The following TRPC4AP variants were observed in gnomAD, a reference collection of about 807,000 sequenced individuals.
The protein encoded by TRPC4AP is transient receptor potential cation channel subfamily C member 4 associated protein.
In TRPC4AP, 45 loss-of-function variants were observed where a neutral mutation model predicts 99.0. The observed-to-expected ratio is 0.45, with a 90% CI of 0.36 to 0.58. The LOEUF (loss-of-function observed/expected upper bound fraction) is 0.58, where lower values mean the gene tolerates loss of function less well. Among genes scored for constraint, TRPC4AP ranks in the 20% least tolerant of loss-of-function variants. TRPC4AP has a pLI of 0.00. For missense variants in TRPC4AP, 879 were observed against 985.3 expected (o/e 0.89, Z 1.44); for synonymous variants, 408 against 385.8 (o/e 1.06, Z -0.67).
chr20:35,033,210 A>G (rs1343831752), intron 8 of TRPC4AP, among the ~76,000 whole-genome samples: 1 of 152,146 alleles, frequency 6.6e-6, no homozygotes, highest in Non-Finnish European at 1.5e-5. Flanking sequence ...CATTTTAAGT[A>G]ATATACTGTA....
chr20:35,037,558 A>G (rs2083349117), intron 7 of TRPC4AP, among the ~76,000 whole-genome samples: 1 of 152,204 alleles, frequency 6.6e-6, no homozygotes, highest in Non-Finnish European at 1.5e-5. Flanking sequence ...TGGTATCTAC[A>G]TGATGAGTAT....
intron 3 of TRPC4AP, among the ~76,000 whole-genome samples, chr20:35,066,573 C>A (rs1195749833): frequency 1.3e-5 from 2 of 152,116 alleles, no homozygotes; most frequent in East Asian, 3.9e-4. Context: ...AAAGTCAGAT[C>A]CTAACCCCTC....
At chr20:35,088,454 C>A (rs950788737) in intron 1 of TRPC4AP, among the ~76,000 whole-genome samples, 10 of 152,166 alleles carry the variant, frequency 6.6e-5, no homozygotes, top group Admixed American at 6.6e-4. Context: ...TATCAAATGG[C>A]TGGCAAGGTT....
intron 10 of TRPC4AP, among the ~76,000 whole-genome samples, chr20:35,013,869 C>A (rs749421174): frequency 6.6e-6 from 1 of 152,198 alleles, no homozygotes; most frequent in Non-Finnish European, 1.5e-5. Flanking sequence ...GCCCAGGGAG[C>A]CTGGCTCTGC....
chr20:35,004,981 G>T (rs115352129), intron 16 of TRPC4AP, among the ~76,000 whole-genome samples: 235 of 152,304 alleles, frequency 1.5e-3, no homozygotes, highest in African/African-American at 5.5e-3. Context: ...TTCCACACCA[G>T]CTCTCAGGTG....
chr20:35,023,660 G>A (rs2147303106), intron 8 of TRPC4AP, among the ~76,000 whole-genome samples: 1 of 152,310 alleles, frequency 6.6e-6, no homozygotes, highest in African/African-American at 2.4e-5. Context: ...CAGCTAATCT[G>A]TGAAGTGAAC....
intron 6 of TRPC4AP, 145 bp downstream of exon 6, chr20:35,049,721 A>ATGATT: frequency 1.1e-6 from 1 of 876,444 alleles, no homozygotes; most frequent in Non-Finnish European, 1.6e-6. Flanking sequence ...ATAAGGGGTA[A>ATGATT]TCAAGTTTTA....
At chr20:35,082,490 C>T (rs1351462189) in intron 1 of TRPC4AP, among the ~76,000 whole-genome samples, 1 of 152,028 alleles carries the variant, frequency 6.6e-6, no homozygotes, top group Non-Finnish European at 1.5e-5. Flanking sequence ...AAGAAGAAAT[C>T]GAAGTGGATA....
chr20:35,086,475 GTATGTGTGTGTATATA>G lies in TRPC4AP; in HGVS notation c.168+6123_168+6138del, dbSNP rs1345428190. Among the ~76,000 whole-genome samples the G allele has an allele frequency of 5.2e-5, 6 of 116,444 alleles. 1 individual carries two copies. Among genetic ancestry groups the G allele is most frequent in the African/African-American group, 1.9e-4 (6 of 31,346 alleles). 76.4% of individuals were successfully genotyped at this position (116,444 alleles called of 152,430 possible). A position where few individuals can be genotyped will look rare whatever the true frequency, so the allele number is the denominator to read the frequency against. ...TGTGTGTGTGTGTGTGTGTGTGTGTGTATGTGTGTGTATATATATATGTGTATATATATGTGTGTGT... is the reference window on the plus strand; with the variant it reads ...TGTGTGTGTGTGTGTGTGTGTGTGTGTATATGTGTATATATATGTGTGTGT... On this transcript the variant is annotated intron_variant, in intron 1 of 18. Transcript: ENST00000252015.
chr20:35,024,201 G>A (rs2082962546), intron 8 of TRPC4AP, among the ~76,000 whole-genome samples: 1 of 151,124 alleles, frequency 6.6e-6, no homozygotes, highest in East Asian at 1.9e-4. Context: ...GTTAACCATG[G>A]TATCGTGATT....
chr20:35,025,568 A>G (rs6142272), intron 8 of TRPC4AP, among the ~76,000 whole-genome samples: 117,141 of 152,092 alleles, frequency 0.77, 45,449 homozygotes, highest in Middle Eastern at 0.83. Flanking sequence ...TTGGAGAAAC[A>G]TCTATTCAGA....
At chr20:35,013,974 G>A (rs955723282) in intron 10 of TRPC4AP, among the ~76,000 whole-genome samples, 1 of 152,186 alleles carries the variant, frequency 6.6e-6, no homozygotes, top group Non-Finnish European at 1.5e-5. Context: ...CATTAAATAA[G>A]AAAACTGGCC....
chr20:35,018,757 G>A (rs963543946), intron 9 of TRPC4AP, among the ~76,000 whole-genome samples: 5 of 152,260 alleles, frequency 3.3e-5, no homozygotes, highest in Non-Finnish European at 7.4e-5. Flanking sequence ...GCAGGTGGGC[G>A]AGATGAAGTG....
intron 8 of TRPC4AP, among the ~76,000 whole-genome samples, chr20:35,024,854 AAT>A (rs2082990265): frequency 1.1e-5 from 1 of 89,480 alleles, no homozygotes; most frequent in African/African-American, 3.9e-5. Context: ...AAAAAAAAAA[AAT>A]TCTGTTTATT....
At chr20:35,082,472 A>G (rs1220045075) in intron 1 of TRPC4AP, among the ~76,000 whole-genome samples, 1 of 152,228 alleles carries the variant, frequency 6.6e-6, no homozygotes, top group Non-Finnish European at 1.5e-5. Context: ...TCAAAAATGC[A>G]TGGGTCAAAG....
Position 35,063,345 on chromosome 20 carries a change from G to C in TRPC4AP, c.415-5774C>G, listed in dbSNP as rs529559127. ...ATTGCAGCATGAGAACGGACTGACA[G>C]AACAGGCATATTATGGACATTATGG... On this transcript the variant is annotated intron_variant, in intron 3 of 18. Transcript: ENST00000252015. 1.1e-4 allele frequency among the ~76,000 whole-genome samples: 16 copies of C among 152,268 alleles called. 1 individual carries two copies. Among genetic ancestry groups the C allele is most frequent in the Admixed American group, 3.3e-4 (5 of 15,288 alleles).
At chr20:35,030,803 G>A (rs78055011) in intron 8 of TRPC4AP, among the ~76,000 whole-genome samples, 12,485 of 152,208 alleles carry the variant, frequency 0.082, 597 homozygotes, top group South Asian at 0.13. Flanking sequence ...CTGAAGAAAA[G>A]GAGAAGAAAT....
intron 1 of TRPC4AP, among the ~76,000 whole-genome samples, chr20:35,088,943 A>G (rs2084961972): frequency 6.6e-6 from 1 of 152,200 alleles, no homozygotes; most frequent in African/African-American, 2.4e-5. Flanking sequence ...AGAAATGGGA[A>G]GTTGTTCAAT....
At chr20:35,005,889 TCAGCGACCTCTAC>T in intron 15 of TRPC4AP, 86 bp from the exon 16 acceptor site, 4 of 1,185,238 alleles carry the variant, frequency 3.4e-6, no homozygotes, top group Non-Finnish European at 4.9e-6. Context: ...ACAAGGGGCA[TCAGCGACCTCTAC>T]CAGCCCCACT....
Sources: allele counts gnomAD v4.1 joint callset (sites outside exome capture counted in the v4.1 genomes callset), GRCh38; gene constraint gnomAD v4.1.1; transcripts MANE v1.5; gene names NCBI Gene and HGNC (gene_info 2026-07-23, HGNC 2026-07-21).